Variants in DNAJC5 observed in about 807,000 individuals in gnomAD.
The protein encoded by DNAJC5 is dnaJ homolog subfamily C member 5.
In DNAJC5, 1 loss-of-function variant was observed where a neutral mutation model predicts 23.2. The ratio of observed to expected loss-of-function variants is 0.04; its 90% CI spans 0.02 to 0.20. The LOEUF (loss-of-function observed/expected upper bound fraction) is 0.20. Among genes scored for constraint, DNAJC5 ranks in the 10% least tolerant of loss-of-function variants. The probability of loss-of-function intolerance (pLI) is 1.00; values close to 1 mark genes in which losing one functional copy is unlikely to be tolerated. For missense variants in DNAJC5, 180 were observed against 267.0 expected (o/e 0.67, Z 2.27); for synonymous variants, 136 against 120.0 (o/e 1.13, Z -0.87).
rs191744289 is a variant in DNAJC5, at chr20:63,906,308, G to A, written c.-12+10985G>A. Among the ~76,000 whole-genome samples the A allele has an allele frequency of 5.4e-3, 822 of 151,968 alleles. 4 individuals carry two copies. The highest frequency in any genetic ancestry group is 0.019 in the African/African-American group (783 of 41,444). ...TTGAGACCAGCCTGGCCAACATGGC[G>A]AAACCCCTTCCATCTCTACTAAAAA... On this transcript the variant is annotated intron_variant, in intron 1 of 4. Coordinates refer to ENST00000360864, the MANE Select transcript of DNAJC5 (RefSeq NM_025219.3).
chr20:63,910,542 C>A (rs1279320597), intron 1 of DNAJC5, among the ~76,000 whole-genome samples: 2 of 147,196 alleles, frequency 1.4e-5, no homozygotes, highest in Non-Finnish European at 3.0e-5. Context: ...GACTCCCTCT[C>A]GAAAAAAAAA....
chr20:63,895,662 A>G (rs2053370022), intron 1 of DNAJC5, among the ~76,000 whole-genome samples: 1 of 150,876 alleles, frequency 6.6e-6, no homozygotes, highest in Non-Finnish European at 1.5e-5. Context: ...GCCGCCCCCA[A>G]CCCCCCGGGG....
Position 63,929,543 on chromosome 20 carries a change from G to C in DNAJC5, c.321+18G>C, listed in dbSNP as rs1378608150. On this transcript the variant is annotated intron_variant, in intron 3 of 4. Coordinates refer to ENST00000360864, the MANE Select transcript of DNAJC5 (RefSeq NM_025219.3). The surrounding 1 kb of genome is among the most constrained non-coding windows in gnomAD (Gnocchi z 8.6). The stretch of plus-strand genomic sequence containing the variant: ...GGGCCAAGGTGAGGGCGAGCTGCCT[G>C]CCGTGCGGGCACCCGAGTCACTCCT... The C allele has an allele frequency of 6.2e-7, 1 of 1,612,294 alleles. No homozygotes were observed. The highest frequency in any genetic ancestry group is 2.2e-5 in the East Asian group (1 of 44,856).
intron 1 of DNAJC5, among the ~76,000 whole-genome samples, chr20:63,913,207 C>T (rs915118464): frequency 2.3e-5 from 3 of 131,270 alleles, no homozygotes; most frequent in African/African-American, 3.2e-5. Context: ...GTGTGACTGT[C>T]GCTCTTGGTA....
chr20:63,928,482 C>T lies in DNAJC5; in HGVS notation c.107+30C>T. On this transcript the variant is annotated intron_variant, in intron 2 of 4. Coordinates refer to ENST00000360864, the MANE Select transcript of DNAJC5 (RefSeq NM_025219.3). The surrounding 1 kb of genome is among the most constrained non-coding windows in gnomAD (Gnocchi z 4.6). ...GTGGACAAGTGTGGCCCCCACATCC[C>T]CCCAGGAAGACACACATGCCCCGTG... 1 of 1,574,834 alleles carries T rather than the reference C, an allele frequency of 6.3e-7. No individual in the cohort carries two copies. Among genetic ancestry groups the T allele is most frequent in the Non-Finnish European group, 8.7e-7 (1 of 1,144,490 alleles).
intron 1 of DNAJC5, among the ~76,000 whole-genome samples, chr20:63,917,856 T>C (rs2053525930): frequency 6.6e-6 from 1 of 152,212 alleles, no homozygotes; most frequent in Admixed American, 6.5e-5. Flanking sequence ...TTGATAGGTG[T>C]GTACCTAGTA....
rs1443309646 is a variant in DNAJC5 at position 63,898,352 on chromosome 20, TAGG to T, written c.-12+3032_-12+3034del. 1.3e-4 allele frequency among the ~76,000 whole-genome samples: 20 copies of T among 152,290 alleles called. No homozygotes were observed. In the East Asian group the frequency reaches 3.9e-3, roughly 29 times the overall value. ...CAGTAAGGTGAATGTGATACCCAGTTAGGAGTATGTAATGCTGCAGGTAAACTG... is the reference window on the plus strand; with the variant it reads ...CAGTAAGGTGAATGTGATACCCAGTTAGTATGTAATGCTGCAGGTAAACTG... On this transcript the variant is annotated intron_variant, in intron 1 of 4. Coordinates refer to ENST00000360864, the MANE Select transcript of DNAJC5 (RefSeq NM_025219.3).
chr20:63,925,214 G>A (rs959815318), intron 1 of DNAJC5, among the ~76,000 whole-genome samples: 10 of 152,166 alleles, frequency 6.6e-5, no homozygotes, highest in South Asian at 2.1e-4. Context: ...GGCCGGGCAC[G>A]GTGGCTCACG....
At chr20:63,930,472 CGAGT>C (rs1295387418) in intron 3 of DNAJC5, among the ~76,000 whole-genome samples, 4 of 152,212 alleles carry the variant, frequency 2.6e-5, no homozygotes, top group Admixed American at 2.6e-4. Context: ...CTCTGCCTCC[CGAGT>C]GGCTGGGACT....
chr20:63,901,520 A>C lies in DNAJC5; in HGVS notation c.-12+6197A>C, dbSNP rs1568974364. 2.6e-5 allele frequency among the ~76,000 whole-genome samples: 4 copies of C among 152,362 alleles called. No individual in the cohort carries two copies. The East Asian group carries it at 7.7e-4, about 29-fold the overall frequency. On this transcript the variant is annotated intron_variant, in intron 1 of 4. Transcript: ENST00000360864. ...CCTTGAAGAAGCAGGAGCTGAATTC[A>C]GGTGCCAGAGGCTGCGTCCGCGCGC...
At chr20:63,896,130 C>G (rs1306258586) in intron 1 of DNAJC5, among the ~76,000 whole-genome samples, 6 of 152,182 alleles carry the variant, frequency 3.9e-5, no homozygotes, top group African/African-American at 1.4e-4. Flanking sequence ...CCCTTATTTG[C>G]CTGTTTAGAA....
intron 1 of DNAJC5, among the ~76,000 whole-genome samples, chr20:63,898,373 G>GAGT (rs2077811995): frequency 6.6e-6 from 1 of 152,220 alleles, no homozygotes. Flanking sequence ...AATGCTGCAG[G>GAGT]TAAACTGTAA....
chr20:63,907,112 AT>A (rs2146276878), intron 1 of DNAJC5, among the ~76,000 whole-genome samples: 1 of 152,310 alleles, frequency 6.6e-6, no homozygotes, highest in African/African-American at 2.4e-5. Flanking sequence ...AATAAAATAA[AT>A]GACAGTGGTC....
intron 1 of DNAJC5, among the ~76,000 whole-genome samples, chr20:63,922,783 A>G (rs1011623150): frequency 1.3e-5 from 2 of 151,800 alleles, no homozygotes; most frequent in African/African-American, 4.8e-5. Context: ...ACAAACAAAA[A>G]AGCAAAAAAT....
chr20:63,925,064 AGGAAAGT>A (rs1429170634), intron 1 of DNAJC5, among the ~76,000 whole-genome samples: 26 of 152,230 alleles, frequency 1.7e-4, no homozygotes, highest in Non-Finnish European at 1.8e-4. Context: ...ACCTGAAGGC[AGGAAAGT>A]CCGCCTGTGT....
intron 1 of DNAJC5, among the ~76,000 whole-genome samples, chr20:63,912,912 C>T (rs556563773): frequency 1.1e-4 from 17 of 152,234 alleles, no homozygotes; most frequent in African/African-American, 3.6e-4. Context: ...GGCCGGCAGT[C>T]AGTTTTTACA....
In DNAJC5 at chr20:63,928,602, G is replaced by A. The variant is rs1301838987; in HGVS notation, c.107+150G>A. On this transcript the variant is annotated intron_variant, in intron 2 of 4. Transcript: ENST00000360864. This position sits in a 1 kb window ranked among gnomAD's most constrained non-coding sequence, Gnocchi z 4.6. ...TCACAGCTCGGTAACACCTTTGTATGTGTAATGTGCTCCTTATAGCTTAAA... is the reference window on the plus strand; with the variant it reads ...TCACAGCTCGGTAACACCTTTGTATATGTAATGTGCTCCTTATAGCTTAAA... 1 of 703,170 alleles carries A rather than the reference G, an allele frequency of 1.4e-6. No individual in the cohort carries two copies. Among genetic ancestry groups the A allele is most frequent in the Non-Finnish European group, 2.6e-6 (1 of 385,786 alleles). 43.6% of individuals were successfully genotyped at this position (703,170 alleles called of 1,614,324 possible).
chr20:63,913,634 T>C (rs1004406070), intron 1 of DNAJC5, among the ~76,000 whole-genome samples: 1 of 152,122 alleles, frequency 6.6e-6, no homozygotes, highest in African/African-American at 2.4e-5. Flanking sequence ...AGTGCAGTGG[T>C]GCCATCTTGG....
chr20:63,919,385 C>G, intron 1 of DNAJC5: 2 of 493,868 alleles, frequency 4.0e-6, no homozygotes, highest in East Asian at 1.1e-4. Flanking sequence ...AGAGGACGCA[C>G]CCGGCTGTGT....
Sources: allele counts gnomAD v4.1 joint callset (sites outside exome capture counted in the v4.1 genomes callset), GRCh38; gene constraint gnomAD v4.1.1; non-coding constraint Gnocchi (gnomAD v3.1); transcripts MANE v1.5; gene names NCBI Gene and HGNC (gene_info 2026-07-23, HGNC 2026-07-21).